The following SHOX variants were observed in gnomAD, a reference collection of about 807,000 sequenced individuals.
SHOX encodes SHOX homeobox.
SHOX carries 12 observed loss-of-function variants against 29.6 expected under a neutral mutation model. That is an observed-to-expected ratio of 0.41 (90% CI 0.26 to 0.66). SHOX has a LOEUF of 0.66. SHOX is among the 30% of genes least tolerant of loss of function. The pLI, the probability that SHOX is intolerant of heterozygous loss-of-function variation, is 0.35. For missense variants in SHOX, 499 were observed against 437.7 expected (o/e 1.14, Z -1.25); for synonymous variants, 214 against 200.6 (o/e 1.07, Z -0.57).
Position 650,007 on chromosome X carries a change from T to A in SHOX, c.*5371T>A, listed in dbSNP as rs2053030279. ...ATTAGATTTTCTTTCTCCGTTCGAGTCTCTGACTGGTGCATACTTTGCAAA... is the reference window on the plus strand; with the variant it reads ...ATTAGATTTTCTTTCTCCGTTCGAGACTCTGACTGGTGCATACTTTGCAAA... On this transcript the variant is annotated 3_prime_UTR_variant, in exon 5 of 5. Coordinates refer to ENST00000686671, the MANE Select transcript of SHOX (RefSeq NM_000451.4). The A allele has an allele frequency of 6.6e-6, 3 of 456,004 alleles. No individual in the cohort carries two copies. Among genetic ancestry groups the A allele is most frequent in the South Asian group, 4.6e-5 (3 of 64,556 alleles). The allele number at this position is 456,004 out of a possible 1,614,324, so 28.2% of individuals were successfully genotyped here. A position where few individuals can be genotyped will look rare whatever the true frequency, so the allele number is the denominator to read the frequency against.
chrX:652,179 C>T (rs1157608294), downstream of SHOX, among the ~76,000 whole-genome samples: 2 of 151,992 alleles, frequency 1.3e-5, no homozygotes, highest in Non-Finnish European at 2.9e-5. Context: ...CGCGTCTGGG[C>T]CCGGCCGGTG....
chrX:645,818 C>T lies in SHOX; in HGVS notation c.*1182C>T, dbSNP rs1050331114. The T allele has an allele frequency of 1.3e-5, 2 of 152,234 alleles. No homozygotes were observed. Among genetic ancestry groups the T allele is most frequent in the African/African-American group, 4.8e-5 (2 of 41,462 alleles). 9.4% of individuals were successfully genotyped at this position (152,234 alleles called of 1,614,324 possible). On this transcript the variant is annotated 3_prime_UTR_variant, in exon 5 of 5. Coordinates refer to ENST00000686671, the MANE Select transcript of SHOX (RefSeq NM_000451.4). ...GCCAGGGAGAGATCCAGAGAGTTTT[C>T]AAGTTTTTGCAGATGTAGGTGGTTC...
upstream of SHOX, among the ~76,000 whole-genome samples, chrX:630,246 C>G (rs190783682): frequency 0.011 from 1,599 of 152,152 alleles, 32 homozygotes; most frequent in African/African-American, 0.037. Context: ...CATCCAAGGG[C>G]GCGCCGCCAC....
chrX:640,695 C>A, intron 2 of SHOX, 126 bp from the exon 3 acceptor site: 2 of 1,010,654 alleles, frequency 2.0e-6, no homozygotes, highest in Non-Finnish European at 3.1e-6. Flanking sequence ...TGGGCGCCCA[C>A]CATCAGTCAC....
chrX:643,156 GA>G (rs2124189097), intron 4 of SHOX, among the ~76,000 whole-genome samples: 1 of 147,504 alleles, frequency 6.8e-6, no homozygotes, highest in African/African-American at 2.5e-5. Context: ...TGTCCTGAAA[GA>G]GCCTTGGGGA....
chrX:650,812 A>AAAAAAC lies in SHOX; in HGVS notation c.*6181_*6182insCAAAAA, dbSNP rs1197842370. ...GACATTAAAAAAAAAAAAAAAAAAA[A>AAAAAAC]AAAAAAACTGGTGCCTAATTTATTA... On this transcript the variant is annotated 3_prime_UTR_variant, in exon 5 of 5. Coordinates refer to ENST00000686671, the MANE Select transcript of SHOX (RefSeq NM_000451.4). Among the ~76,000 whole-genome samples, 3 of 139,342 alleles carry AAAAAAC rather than the reference A, an allele frequency of 2.2e-5. No homozygotes were observed. The highest frequency in any genetic ancestry group is 4.9e-5 in the Non-Finnish European group (3 of 60,666). 91.4% of individuals were successfully genotyped at this position (139,342 alleles called of 152,430 possible).
chrX:656,920 C>T (rs61414106), intron 5 of SHOX, among the ~76,000 whole-genome samples: 1 of 88,136 alleles, frequency 1.1e-5, no homozygotes, highest in African/African-American at 4.5e-5. Context: ...AGCAAGACTC[C>T]GTCTCAAAAA....
At chrX:627,764 T>C (rs2052564408), upstream of SHOX, among the ~76,000 whole-genome samples, 1 of 152,072 alleles carries the variant, frequency 6.6e-6, no homozygotes, top group South Asian at 2.1e-4. Context: ...GGGTCCAGAT[T>C]GCGGCCCAAG....
rs1465745568 is a variant in SHOX at position 638,023 on chromosome X, G to C, written c.487-2798G>C. On this transcript the variant is annotated intron_variant, in intron 2 of 4. Coordinates refer to ENST00000686671, the MANE Select transcript of SHOX (RefSeq NM_000451.4). ...AATATCTTTGGGTTTATGGCGCAGA[G>C]CTAAATTAAATGTCATTATTCACTG... is the stretch of plus-strand genomic sequence containing the variant. Among the ~76,000 whole-genome samples, 5 of 152,170 alleles carry C rather than the reference G, an allele frequency of 3.3e-5. No homozygotes were observed. In the East Asian group the frequency reaches 9.6e-4, roughly 29 times the overall value.
chrX:652,254 G>A (rs916204232), downstream of SHOX, among the ~76,000 whole-genome samples: 6 of 151,606 alleles, frequency 4.0e-5, no homozygotes, highest in Non-Finnish European at 8.8e-5. Flanking sequence ...TTCCAGCACG[G>A]TCTTGCAAGG....
chrX:624,707 T>TTCTTTCTC (rs1185749032), intron 1 of SHOX: 1 of 132,178 alleles, frequency 7.6e-6, no homozygotes, highest in East Asian at 2.1e-4. Flanking sequence ...TTTCTTTTCT[T>TTCTTTCTC]TCTTTCTTTC....
Position 625,154 on chromosome X carries a change from C to T in SHOX, c.-433+552C>T, listed in dbSNP as rs376434700. ...TTTTTTCTTTCTCTTTCATTTCTTT[C>T]CTCTTCCTTCCCCCATCCTCCCCCT... On this transcript the variant is annotated intron_variant, in intron 1 of 5. Transcript: ENST00000334060. 6.6e-5 allele frequency among the ~76,000 whole-genome samples: 9 copies of T among 137,148 alleles called. No homozygotes were observed. In the East Asian group the frequency reaches 1.6e-3, roughly 24 times the overall value. The allele number at this position is 137,148 out of a possible 152,430, so 90.0% of individuals were successfully genotyped here.
chrX:630,676 T>C, upstream of SHOX: 3 of 616,364 alleles, frequency 4.9e-6, no homozygotes, highest in Admixed American at 2.9e-5. Context: ...AGACACAGCG[T>C]CTCTGCGTGC....
chrX:644,337 C>T, intron 4 of SHOX, 54 bp from the exon 5 acceptor site: 24 of 1,477,656 alleles, frequency 1.6e-5, no homozygotes, highest in Non-Finnish European at 2.1e-5. Flanking sequence ...CGGGGCGGAG[C>T]AGGCCCCCCA....
chrX:634,466 T>C (rs974760506), intron 1 of SHOX, 152 bp from the exon 2 acceptor site: 1 of 782,084 alleles, frequency 1.3e-6, no homozygotes, highest in Non-Finnish European at 2.2e-6. Flanking sequence ...AGTATCCTCC[T>C]CGGCTTTTGC....
Position 634,667 on chromosome X carries a change from G to C in SHOX, c.327G>C (p.Glu109Asp), listed in dbSNP as rs746842667. 3 of 1,613,924 alleles carry C rather than the reference G, an allele frequency of 1.9e-6. No homozygotes were observed. The highest frequency in any genetic ancestry group is 2.2e-5 in the South Asian group (2 of 91,072). The change falls in exon 2 of 5, where the codon GAG (glutamate) becomes GAC (aspartate). Residue 109 changes from glutamate to aspartate, a missense_variant. By Grantham distance (45) the Glu-to-Asp change is conservative (BLOSUM62 2). Transcript: ENST00000686671. ...EKREDVKSED[E>D]DGQTKLKQRR... ...GCGAGGACGTGAAGTCGGAGGACGAGGACGGGCAGACCAAGCTGAAACAGA... is the reference window on the plus strand; with the variant it reads ...GCGAGGACGTGAAGTCGGAGGACGACGACGGGCAGACCAAGCTGAAACAGA...
At chrX:652,683 GT>G (rs1385288784), downstream of SHOX, among the ~76,000 whole-genome samples, 2 of 152,178 alleles carry the variant, frequency 1.3e-5, no homozygotes, top group Admixed American at 1.3e-4. Flanking sequence ...CAGAGAAGGG[GT>G]TTCAGAGGCC....
downstream of SHOX, among the ~76,000 whole-genome samples, chrX:651,942 C>A (rs1369970279): frequency 6.6e-6 from 1 of 151,574 alleles, no homozygotes; most frequent in Non-Finnish European, 1.5e-5. Flanking sequence ...TTTTTTGAGA[C>A]TGAGTCTCGC....
chrX:658,952 A>T, exon 6 of SHOX: 1 of 218,688 alleles, frequency 4.6e-6, no homozygotes, highest in South Asian at 5.7e-5. Context: ...TTCAGTAGAG[A>T]TGGGGTTTGA....
Sources: gnomAD v4.1 joint callset for allele counts (sites outside exome capture counted in the v4.1 genomes callset) on GRCh38, gnomAD v4.1.1 for gene constraint, MANE v1.5 for transcripts, NCBI Gene and HGNC (gene_info 2026-07-23, HGNC 2026-07-21) for gene names.